SETBP1: variants seen among roughly 807,000 people sequenced by gnomAD.
The protein encoded by SETBP1 is SET-binding protein.
Under a neutral mutation model 101.0 loss-of-function variants are expected in SETBP1, and 9 were observed. The ratio of observed to expected loss-of-function variants is 0.09; its 90% CI spans 0.05 to 0.16. SETBP1 has a LOEUF of 0.16. SETBP1 is among the 10% of genes least tolerant of loss of function. SETBP1 has a pLI of 1.00. For synonymous variants in SETBP1, 818 were observed against 788.5 expected, an observed-to-expected ratio of 1.04 and a Z score of -0.63; for missense variants, 1,858 against 2,033.8, an observed-to-expected ratio of 0.91 and a Z score of 1.66.
At chr18:45,043,072 T>C (rs569924780) in intron 5 of SETBP1, among the ~76,000 whole-genome samples, 1 of 152,356 alleles carries the variant, frequency 6.6e-6, no homozygotes, top group African/African-American at 2.4e-5. Flanking sequence ...CATGATTTAA[T>C]AATCATATCA....
chr18:44,775,665 A>G (rs948385786), intron 2 of SETBP1, among the ~76,000 whole-genome samples: 2 of 147,078 alleles, frequency 1.4e-5, no homozygotes, highest in African/African-American at 5.0e-5. Context: ...CGTACTTTTC[A>G]TGTTTAGGTC....
intron 5 of SETBP1, among the ~76,000 whole-genome samples, chr18:45,054,007 G>A (rs1003211210): frequency 6.6e-5 from 10 of 152,222 alleles, no homozygotes; most frequent in Admixed American, 1.3e-4. Flanking sequence ...ACTTTTTGGC[G>A]TTAACTACAT....
intron 2 of SETBP1, among the ~76,000 whole-genome samples, chr18:44,705,179 GA>G (rs2069193611): frequency 6.6e-6 from 1 of 152,130 alleles, no homozygotes; most frequent in Non-Finnish European, 1.5e-5. Flanking sequence ...AAAAGGTTGG[GA>G]AAACATCAAA....
chr18:44,688,479 T>A (rs1206651636), intron 1 of SETBP1, among the ~76,000 whole-genome samples: 1 of 151,478 alleles, frequency 6.6e-6, no homozygotes, highest in Non-Finnish European at 1.5e-5. Context: ...ACCTTTGATT[T>A]TTTTTTTTTT....
chr18:44,803,629 T>C (rs184737553), intron 2 of SETBP1, among the ~76,000 whole-genome samples: 1 of 152,294 alleles, frequency 6.6e-6, no homozygotes, highest in African/African-American at 2.4e-5. Context: ...ACTTCCTCAA[T>C]AGTGAAAACA....
intron 2 of SETBP1, among the ~76,000 whole-genome samples, chr18:44,747,235 G>T (rs1221262516): frequency 6.6e-6 from 1 of 152,156 alleles, no homozygotes; most frequent in Middle Eastern, 3.2e-3. Context: ...CAGGGGTTTT[G>T]CTCTTGGTTC....
chr18:44,889,542 C>A (rs1447358616), intron 3 of SETBP1, among the ~76,000 whole-genome samples: 2 of 152,222 alleles, frequency 1.3e-5, no homozygotes, highest in African/African-American at 4.8e-5. Flanking sequence ...GAGCTCAGAG[C>A]GTTGCTAAGG....
chr18:44,681,102 T>C, intron 1 of SETBP1, 81 bp downstream of exon 1: 1 of 152,238 alleles, frequency 6.6e-6, no homozygotes, highest in East Asian at 1.9e-4. Context: ...CTCTTTCTTG[T>C]GCTCTCTGGT....
chr18:45,037,334 G>A (rs1326050953), intron 4 of SETBP1, among the ~76,000 whole-genome samples: 1 of 152,136 alleles, frequency 6.6e-6, no homozygotes, highest in Non-Finnish European at 1.5e-5. Flanking sequence ...GTCATGTCAG[G>A]GAGAAGAACT....
chr18:44,795,805 T>C (rs1198868712), intron 2 of SETBP1, among the ~76,000 whole-genome samples: 1 of 152,172 alleles, frequency 6.6e-6, no homozygotes, highest in African/African-American at 2.4e-5. Context: ...ACATAAGCTC[T>C]TCTCTCTCTA....
intron 2 of SETBP1, among the ~76,000 whole-genome samples, chr18:44,830,572 G>A (rs1315548626): frequency 2.0e-5 from 3 of 152,106 alleles, no homozygotes; most frequent in South Asian, 2.1e-4. Flanking sequence ...TTGCCTATAC[G>A]AAGGGTGTTT....
At chr18:44,749,346 C>T (rs2070331949) in intron 2 of SETBP1, among the ~76,000 whole-genome samples, 1 of 152,120 alleles carries the variant, frequency 6.6e-6, no homozygotes, top group Non-Finnish European at 1.5e-5. Context: ...CAGAGTGTGC[C>T]TCCAATTCTA....
At chr18:44,922,620 C>A (rs888792637) in intron 3 of SETBP1, among the ~76,000 whole-genome samples, 2 of 152,198 alleles carry the variant, frequency 1.3e-5, no homozygotes, top group African/African-American at 4.8e-5. Context: ...AGTTAAAAAT[C>A]TCTTTTCTCC....
intron 4 of SETBP1, among the ~76,000 whole-genome samples, chr18:45,025,006 T>A (rs1251850231): frequency 6.6e-6 from 1 of 152,220 alleles, no homozygotes; most frequent in Non-Finnish European, 1.5e-5. Flanking sequence ...CTAAAGTTTA[T>A]CACAATATGT....
intron 4 of SETBP1, among the ~76,000 whole-genome samples, chr18:45,021,389 C>T (rs1469580073): frequency 6.6e-6 from 1 of 152,140 alleles, no homozygotes; most frequent in African/African-American, 2.4e-5. Flanking sequence ...TAATGGCCTC[C>T]CCAACTCGCT....
chr18:44,780,381 C>G (rs16978168), intron 2 of SETBP1, among the ~76,000 whole-genome samples: 13,913 of 152,236 alleles, frequency 0.091, 789 homozygotes, highest in East Asian at 0.24. Context: ...TCTTTCATCC[C>G]TTGGGTACCT....
At chr18:44,698,001 A>G (rs948973291) in intron 1 of SETBP1, among the ~76,000 whole-genome samples, 1 of 152,226 alleles carries the variant, frequency 6.6e-6, no homozygotes, top group Non-Finnish European at 1.5e-5. Flanking sequence ...ACTATGTATA[A>G]CATTGCTGTG....
intron 2 of SETBP1, among the ~76,000 whole-genome samples, chr18:44,839,069 A>G (rs1225177085): frequency 3.2e-5 from 4 of 123,236 alleles, no homozygotes; most frequent in Non-Finnish European, 7.4e-5. Flanking sequence ...TTCTCTTAAT[A>G]TCTTAAAAAA....
chr18:44,709,966 G>A (rs552742536), intron 2 of SETBP1, among the ~76,000 whole-genome samples: 3 of 152,048 alleles, frequency 2.0e-5, no homozygotes, highest in East Asian at 3.9e-4. Context: ...AAGTTTCAAA[G>A]CAGTGTCAAA....
Sources: gnomAD v4.1 joint callset for allele counts (sites outside exome capture counted in the v4.1 genomes callset) on GRCh38, gnomAD v4.1.1 for gene constraint, MANE v1.5 for transcripts, NCBI Gene and HGNC (gene_info 2026-07-23, HGNC 2026-07-21) for gene names.